CPS1: variants seen among roughly 807,000 people sequenced by gnomAD.
The protein encoded by CPS1 is carbamoyl-phosphate synthase 1, also known as carbamoyl-phosphate synthase [ammonia], mitochondrial.
CPS1 carries 109 observed loss-of-function variants against 174.6 expected under a neutral mutation model. The observed-to-expected ratio is 0.62, with a 90% CI of 0.53 to 0.73. The LOEUF (loss-of-function observed/expected upper bound fraction) is 0.73. Among genes scored for constraint, CPS1 ranks in the 30% least tolerant of loss-of-function variants. The pLI is 0.00. For synonymous variants in CPS1, 637 were observed against 632.0 expected, an observed-to-expected ratio of 1.01 and a Z score of -0.12; for missense variants, 1,689 against 1,821.9, an observed-to-expected ratio of 0.93 and a Z score of 1.33.
Position 210,645,609 on chromosome 2 carries a change from C to G in CPS1, c.3142-2254C>G, listed in dbSNP as rs543214923. Reference sequence around the variant, plus strand: ...CAGGAGTTCAAGACCAGCCTGGACCCCATCTCTACTAAAAATAAAAAAAAT... The same window carrying G: ...CAGGAGTTCAAGACCAGCCTGGACCGCATCTCTACTAAAAATAAAAAAAAT... On this transcript the variant is annotated intron_variant, in intron 25 of 37. Transcript: ENST00000233072. Among the ~76,000 whole-genome samples, 29 of 152,130 alleles carry G rather than the reference C, an allele frequency of 1.9e-4. No homozygotes were observed. The South Asian group carries it at 5.8e-3, about 30-fold the overall frequency.
At chr2:210,580,850 C>A (rs568804990) in intron 5 of CPS1, among the ~76,000 whole-genome samples, 4 of 145,726 alleles carry the variant, frequency 2.7e-5, no homozygotes, top group East Asian at 2.0e-4. Flanking sequence ...GACTACAGGA[C>A]CCTGTCTCAA....
intron 1 of CPS1, among the ~76,000 whole-genome samples, chr2:210,549,737 A>T (rs890234616): frequency 6.6e-6 from 1 of 152,172 alleles, no homozygotes; most frequent in Non-Finnish European, 1.5e-5. Context: ...TCATCCAGCT[A>T]TGTAAAACTA....
At chr2:210,629,256 A>T (rs904020883) in intron 21 of CPS1, among the ~76,000 whole-genome samples, 2 of 152,228 alleles carry the variant, frequency 1.3e-5, no homozygotes, top group Non-Finnish European at 2.9e-5. Flanking sequence ...CATAGTATGG[A>T]CTTAACCCGT....
intron 19 of CPS1, among the ~76,000 whole-genome samples, chr2:210,611,440 A>G (rs534138744): frequency 1.3e-5 from 2 of 152,096 alleles, no homozygotes; most frequent in South Asian, 4.1e-4. Flanking sequence ...TGCAAGATCA[A>G]TTTAAGTTTA....
intron 34 of CPS1, chr2:210,672,984 G>A (rs900291730): frequency 1.3e-5 from 2 of 152,136 alleles, no homozygotes; most frequent in African/African-American, 2.4e-5. Context: ...ATATTAGGGG[G>A]TGTTATGGGC....
intron 1 of CPS1, chr2:210,519,687 C>T: frequency 6.3e-6 from 6 of 950,038 alleles, no homozygotes; most frequent in Non-Finnish European, 7.5e-6. Context: ...GACCCAAGCC[C>T]CACCAGTCAG....
chr2:210,478,111 G>C (rs1694453222), intron 1 of CPS1, among the ~76,000 whole-genome samples: 1 of 152,234 alleles, frequency 6.6e-6, no homozygotes. Flanking sequence ...ACACCCAGCA[G>C]TCAATTGCTG....
Position 210,593,704 on chromosome 2 carries a change from T to C in CPS1, c.1164+748T>C, listed in dbSNP as rs1033022368. ...AATGGGGAAGAGAATAAGAGCTTTC[T>C]TTCTGCAAGCTCTGCTCTACTCTCT... is the stretch of plus-strand genomic sequence containing the variant. On this transcript the variant is annotated intron_variant, in intron 11 of 37. Coordinates refer to ENST00000233072, the MANE Select transcript of CPS1 (RefSeq NM_001875.5). 11 of 946,772 alleles carry C rather than the reference T, an allele frequency of 1.2e-5. No individual in the cohort carries two copies. The African/African-American group carries it at 1.9e-4, about 17-fold the overall frequency. 58.6% of individuals were successfully genotyped at this position (946,772 alleles called of 1,614,324 possible). A position where few individuals can be genotyped will look rare whatever the true frequency, so the allele number is the denominator to read the frequency against.
chr2:210,501,992 GA>G (rs991350153), intron 1 of CPS1, among the ~76,000 whole-genome samples: 13 of 152,144 alleles, frequency 8.5e-5, no homozygotes, highest in Non-Finnish European at 1.5e-5. Context: ...GAGCCCTCAA[GA>G]AACTTGCAAT....
At position 210,674,954 on chromosome 2, in the gene CPS1, G is replaced by C; in HGVS notation, c.4154G>C (p.Gly1385Ala). The part of the protein sequence containing the change: ...LGVAEQLHNE[G>A]FKLFATEATS... The stretch of plus-strand genomic sequence containing the variant: ...GTGGCTGAACAATTACACAATGAAG[G>C]TTTCAAGGTATGTTCATTAGTTTTA... Residue 1385 changes from glycine (G) to alanine (A), a missense_variant, in exon 35 of 38, where the codon GGT becomes GCT. Coordinates refer to ENST00000233072, the MANE Select transcript of CPS1 (RefSeq NM_001875.5). The C allele has an allele frequency of 6.2e-7, 1 of 1,611,594 alleles. No individual in the cohort carries two copies. Among genetic ancestry groups the C allele is most frequent in the Non-Finnish European group, 8.5e-7 (1 of 1,177,750 alleles).
At chr2:210,538,986 G>T (rs1277099353) in intron 1 of CPS1, among the ~76,000 whole-genome samples, 1 of 152,098 alleles carries the variant, frequency 6.6e-6, no homozygotes, top group Non-Finnish European at 1.5e-5. Context: ...TGTAGTACTG[G>T]TTGGTACATA....
chr2:210,552,749 T>C (rs1410558392), upstream of CPS1, among the ~76,000 whole-genome samples: 1 of 152,060 alleles, frequency 6.6e-6, no homozygotes, highest in African/African-American at 2.4e-5. Context: ...GCTGTCAGTG[T>C]TTCTTTATGT....
At chr2:210,605,377 C>T (rs1464674914) in intron 17 of CPS1, 131 bp downstream of exon 17, 3 of 981,886 alleles carry the variant, frequency 3.1e-6, no homozygotes, top group African/African-American at 1.6e-5. Flanking sequence ...ACATTTTGGA[C>T]AAGCATAGTA....
At chr2:210,566,111 G>A (rs1303967045) in intron 1 of CPS1, among the ~76,000 whole-genome samples, 1 of 152,114 alleles carries the variant, frequency 6.6e-6, no homozygotes, top group African/African-American at 2.4e-5. Context: ...GAAAGTCATG[G>A]GGCAATGCAG....
intron 1 of CPS1, among the ~76,000 whole-genome samples, chr2:210,528,500 G>A (rs988642162): frequency 2.0e-5 from 3 of 151,840 alleles, no homozygotes; most frequent in Non-Finnish European, 2.9e-5. Context: ...CTGGTTAAAA[G>A]TAATGGAAAT....
chr2:210,612,471 A>G (rs1294926502), intron 20 of CPS1, among the ~76,000 whole-genome samples, 178 bp downstream of exon 20: 6 of 151,946 alleles, frequency 3.9e-5, no homozygotes, highest in South Asian at 2.1e-4. Context: ...GTCTTTTACA[A>G]TTAATGATAA....
chr2:210,617,557 T>C (rs1250918144), intron 21 of CPS1: 2 of 152,078 alleles, frequency 1.3e-5, no homozygotes, highest in Non-Finnish European at 2.9e-5. Flanking sequence ...GATCAATATG[T>C]GTACAAACTA....
intron 1 of CPS1, among the ~76,000 whole-genome samples, chr2:210,506,170 C>G (rs149670140): frequency 6.6e-6 from 1 of 152,172 alleles, no homozygotes; most frequent in East Asian, 1.9e-4. Context: ...TGGCCGGGTA[C>G]TCCTCTGAGA....
rs1271114192 is a variant in CPS1 at position 210,573,203 on chromosome 2, C to A, written c.127-95C>A. The A allele has an allele frequency of 6.6e-6, 7 of 1,061,926 alleles. No homozygotes were observed. In the East Asian group the frequency reaches 1.7e-4, roughly 25 times the overall value. The allele number at this position is 1,061,926 out of a possible 1,614,324, so 65.8% of individuals were successfully genotyped here. Reference sequence around the variant, plus strand: ...TTATGGTTTCATTAAATATACTGTGCCTTTATTTAATATGTCTGTGTATTT... The same window carrying A: ...TTATGGTTTCATTAAATATACTGTGACTTTATTTAATATGTCTGTGTATTT... On this transcript the variant is annotated intron_variant, in intron 1 of 37. Coordinates refer to ENST00000233072, the MANE Select transcript of CPS1 (RefSeq NM_001875.5).
Sources: gnomAD v4.1 joint callset for allele counts (sites outside exome capture counted in the v4.1 genomes callset) on GRCh38, gnomAD v4.1.1 for gene constraint, MANE v1.5 for transcripts, NCBI Gene and HGNC (gene_info 2026-07-23, HGNC 2026-07-21) for gene names.